ELANE: variants seen among roughly 807,000 people sequenced by gnomAD.
ELANE encodes the protein elastase, neutrophil expressed.
ELANE carries 12 observed loss-of-function variants against 20.6 expected under a neutral mutation model. That is an observed-to-expected ratio of 0.58 (90% confidence interval 0.37 to 0.94). The LOEUF (loss-of-function observed/expected upper bound fraction) is 0.94, where lower values mean the gene tolerates loss of function less well. ELANE is among the 40% of genes least tolerant of loss of function. The probability of loss-of-function intolerance (pLI) is 0.01; values close to 1 mark genes in which losing one functional copy is unlikely to be tolerated. For missense variants in ELANE, 388 were observed against 395.2 expected, an observed-to-expected ratio of 0.98 and a Z score of 0.15; for synonymous variants, 203 against 177.4, an observed-to-expected ratio of 1.14 and a Z score of -1.15.
In ELANE at chr19:856,135, G is replaced by C. The variant is rs1408272130; in HGVS notation, c.775G>C (p.Asp259His). The C allele has an allele frequency of 6.2e-7, 1 of 1,612,894 alleles. No homozygotes were observed. The highest frequency in any genetic ancestry group is 1.7e-5 in the Admixed American group (1 of 60,020). The change falls in exon 5 of 5, where the codon GAC becomes CAC. Residue 259 changes from aspartate (D) to histidine (H), a missense_variant. Coordinates refer to ENST00000263621, the MANE Select transcript of ELANE (RefSeq NM_001972.4). ...GGACAACCCCTGTCCCCACCCCCGGGACCCGGACCCGGCCAGCAGGACCCA... is the reference window on the plus strand; with the variant it reads ...GGACAACCCCTGTCCCCACCCCCGGCACCCGGACCCGGCCAGCAGGACCCA... ...SEDNPCPHPR[D>H]PDPASRTH
intron 2 of ELANE, 73 bp downstream of exon 2, chr19:853,105 G>A (rs1337881627): frequency 4.7e-6 from 7 of 1,505,114 alleles, no homozygotes; most frequent in South Asian, 2.5e-5. Flanking sequence ...GGGGGAGGCC[G>A]GGGCCGGGGC....
rs765630172 is a variant in ELANE, at chr19:855,927, T to C, written c.598-31T>C. 1 of 1,612,264 alleles carries C rather than the reference T, an allele frequency of 6.2e-7. No individual in the cohort carries two copies. The highest frequency in any genetic ancestry group is 1.1e-5 in the South Asian group (1 of 91,074). On this transcript the variant is annotated intron_variant, in intron 4 of 4. Coordinates refer to ENST00000263621, the MANE Select transcript of ELANE (RefSeq NM_001972.4). The surrounding 1 kb of genome is among the most constrained non-coding windows in gnomAD (Gnocchi z 6.2). ...CGGGCAGGTGGGCAGGGCCTCGCAG[T>C]CCAGCTTCCCCACCTTGTCTGCCTC... is the stretch of plus-strand genomic sequence containing the variant.
At position 853,337 on chromosome 19, in the gene ELANE, C is replaced by T. The variant is rs200002231; in HGVS notation, c.300C>T (p.Ala100=). ...SRREPTRQVF[A]VQRIFENGYD... ...GGGAGCCCACCCGGCAGGTGTTCGC[C>T]GTGCAGCGCATCTTCGAAAACGGCT... The change falls in exon 3 of 5, where the codon GCC becomes GCT. Residue 100 remains alanine, a synonymous_variant. Transcript: ENST00000263621. The T allele has an allele frequency of 3.1e-6, 5 of 1,611,206 alleles. No individual in the cohort carries two copies. The highest frequency in any genetic ancestry group is 4.2e-6 in the Non-Finnish European group (5 of 1,179,110).
chr19:853,064 G>C, intron 2 of ELANE, 32 bp downstream of exon 2: 2 of 1,533,274 alleles, frequency 1.3e-6, no homozygotes, highest in South Asian at 2.4e-5. Flanking sequence ...CGCCCGGCTC[G>C]GACCCCGCGT....
At chr19:852,534 T>G in intron 1 of ELANE, 139 bp downstream of exon 1, 1 of 1,019,100 alleles carries the variant, frequency 9.8e-7, no homozygotes, top group South Asian at 1.4e-5. Context: ...CAGAAGAGAC[T>G]GAGGTTCTGA....
At position 855,557 on chromosome 19, in the gene ELANE, G is replaced by A. The variant is rs201878637; in HGVS notation, c.367-7G>A. On this transcript the variant is annotated splice_polypyrimidine_tract_variant and splice_region_variant and intron_variant, in intron 3 of 4. Coordinates refer to ENST00000263621, the MANE Select transcript of ELANE (RefSeq NM_001972.4). This position sits in a 1 kb window ranked among gnomAD's most constrained non-coding sequence, Gnocchi z 6.2. ...GACGCGCTGACGATCTGTCCCCACC[G>A]CCACAGCTCAACGGGTCGGCCACCA... is the stretch of plus-strand genomic sequence containing the variant. 26 of 1,598,446 alleles carry A rather than the reference G, an allele frequency of 1.6e-5. No homozygotes were observed. In the East Asian group the frequency reaches 2.7e-4, roughly 16 times the overall value.
Position 855,834 on chromosome 19 carries a change from C to T in ELANE, c.597+40C>T. 1 of 1,606,002 alleles carries T rather than the reference C, an allele frequency of 6.2e-7. No individual in the cohort carries two copies. The highest frequency in any genetic ancestry group is 1.1e-5 in the South Asian group (1 of 90,922). Reference sequence around the variant, plus strand: ...TGTCCCTCTGCTCCCCACCCGCTCCCAGCCCGGACTGCAGCAACAGGCACC... The same window carrying T: ...TGTCCCTCTGCTCCCCACCCGCTCCTAGCCCGGACTGCAGCAACAGGCACC... On this transcript the variant is annotated intron_variant, in intron 4 of 4. Transcript: ENST00000263621. This position sits in a 1 kb window ranked among gnomAD's most constrained non-coding sequence, Gnocchi z 6.2.
Position 855,626 on chromosome 19 carries a change from C to T in ELANE, c.429C>T (p.Arg143=), listed in dbSNP as rs1403680394. 1 of 1,604,194 alleles carries T rather than the reference C, an allele frequency of 6.2e-7. No individual in the cohort carries two copies. The highest frequency in any genetic ancestry group is 8.5e-7 in the Non-Finnish European group (1 of 1,179,824). ...VQVAQLPAQG[R]RLGNGVQCLA... is the part of the protein sequence containing the mutation. Reference sequence around the variant, plus strand: ...TGGCCCAGCTGCCGGCTCAGGGACGCCGCCTGGGCAACGGGGTGCAGTGCC... The same window carrying T: ...TGGCCCAGCTGCCGGCTCAGGGACGTCGCCTGGGCAACGGGGTGCAGTGCC... The change falls in exon 4 of 5, where the codon CGC becomes CGT. Residue 143 remains arginine (R), a synonymous_variant. Coordinates refer to ENST00000263621, the MANE Select transcript of ELANE (RefSeq NM_001972.4). This position sits in a 1 kb window ranked among gnomAD's most constrained non-coding sequence, Gnocchi z 6.2.
chr19:855,914 C>T lies in ELANE; in HGVS notation c.598-44C>T. 6.2e-7 allele frequency: 1 copy of T among 1,610,618 alleles called. No homozygotes were observed. Among genetic ancestry groups the T allele is most frequent in the South Asian group, 1.1e-5 (1 of 91,050 alleles). ...CCCTGACAGGCGGCGGGCAGGTGGG[C>T]AGGGCCTCGCAGTCCAGCTTCCCCA... On this transcript the variant is annotated intron_variant, in intron 4 of 4. Transcript: ENST00000263621. This position sits in a 1 kb window ranked among gnomAD's most constrained non-coding sequence, Gnocchi z 6.2.
chr19:855,772 G>C lies in ELANE; in HGVS notation c.575G>C (p.Gly192Ala). Residue 192 changes from glycine (G) to alanine (A), a missense_variant, in exon 4 of 5, where the codon GGC (glycine) becomes GCC (alanine). This residue lies in a region of ELANE where 321 missense variants were observed against 309.8 expected (regional missense o/e 1.04). Coordinates refer to ENST00000263621, the MANE Select transcript of ELANE (RefSeq NM_001972.4). This position sits in a 1 kb window ranked among gnomAD's most constrained non-coding sequence, Gnocchi z 6.2. ...RRSNVCTLVR[G>A]RQAGVCFGDS... ...AGCAACGTCTGCACTCTCGTGAGGG[G>C]CCGGCAGGCCGGCGTCTGTTTCGTA... The C allele has an allele frequency of 6.2e-7, 1 of 1,608,652 alleles. No individual in the cohort carries two copies. The highest frequency in any genetic ancestry group is 8.5e-7 in the Non-Finnish European group (1 of 1,179,950).
In ELANE at chr19:853,337, C is replaced by G; in HGVS notation, c.300C>G (p.Ala100=). The G allele has an allele frequency of 6.2e-7, 1 of 1,611,206 alleles. No individual in the cohort carries two copies. Among genetic ancestry groups the G allele is most frequent in the Non-Finnish European group, 8.5e-7 (1 of 1,179,110 alleles). The change falls in exon 3 of 5, where the codon GCC becomes GCG. Residue 100 remains alanine (A), a synonymous_variant. Coordinates refer to ENST00000263621, the MANE Select transcript of ELANE (RefSeq NM_001972.4). ...GGGAGCCCACCCGGCAGGTGTTCGC[C>G]GTGCAGCGCATCTTCGAAAACGGCT... ...SRREPTRQVF[A]VQRIFENGYD...
rs2035620720 is a variant in ELANE, at chr19:853,130, G to A, written c.224+98G>A. ...GGGGCCGGGGCTGCTGGCGGGGGGG[G>A]GTCCGTCCAGGGCCCGCGGGGCCCC... On this transcript the variant is annotated intron_variant, in intron 2 of 4. Transcript: ENST00000263621. 6 of 1,482,136 alleles carry A rather than the reference G, an allele frequency of 4.0e-6. No homozygotes were observed. In the Admixed American group the frequency reaches 8.6e-5, roughly 21 times the overall value. 91.8% of individuals were successfully genotyped at this position (1,482,136 alleles called of 1,614,324 possible). A position where few individuals can be genotyped will look rare whatever the true frequency, so the allele number is the denominator to read the frequency against.
intron 3 of ELANE, among the ~76,000 whole-genome samples, chr19:853,621 C>T (rs1376278917): frequency 6.6e-6 from 1 of 152,276 alleles, no homozygotes; most frequent in South Asian, 2.1e-4. Flanking sequence ...GCAGGGAGGC[C>T]CCGATCTGCT....
In ELANE at chr19:853,003, C is replaced by A; in HGVS notation, c.195C>A (p.Val65=). 1 of 1,574,926 alleles carries A rather than the reference C, an allele frequency of 6.3e-7. No individual in the cohort carries two copies. The highest frequency in any genetic ancestry group is 1.8e-5 in the Admixed American group (1 of 56,218). Residue 65 remains valine, a synonymous_variant, in exon 2 of 5, where the codon GTC becomes GTA. Coordinates refer to ENST00000263621, the MANE Select transcript of ELANE (RefSeq NM_001972.4). ...CCACCCTGATTGCGCCCAACTTCGT[C>A]ATGTCGGCCGCGCACTGCGTGGCGA... is the stretch of plus-strand genomic sequence containing the variant. ...CGATLIAPNF[V]MSAAHCVANV...
chr19:853,286 C>A lies in ELANE; in HGVS notation c.249C>A (p.Val83=). 1 of 1,608,276 alleles carries A rather than the reference C, an allele frequency of 6.2e-7. No homozygotes were observed. The highest frequency in any genetic ancestry group is 2.2e-5 in the East Asian group (1 of 44,684). ...GAAACGTCCGCGCGGTGCGGGTGGT[C>A]CTGGGAGCCCATAACCTCTCGCGGC... The part of the protein sequence containing the change: ...ANVNVRAVRV[V]LGAHNLSRRE... Residue 83 remains valine (V), a synonymous_variant, in exon 3 of 5, where the codon GTC becomes GTA. Transcript: ENST00000263621.
At position 855,507 on chromosome 19, in the gene ELANE, G is replaced by A. The variant is rs2145148258; in HGVS notation, c.367-57G>A. 6.4e-7 allele frequency: 1 copy of A among 1,555,738 alleles called. No homozygotes were observed. The highest frequency in any genetic ancestry group is 1.1e-5 in the South Asian group (1 of 88,588). ...TGGGGAAACTGAGGCCCGGAGAGGG[G>A]AGGGTCATCATCACTGCCCCGTGTG... On this transcript the variant is annotated intron_variant, in intron 3 of 4. Coordinates refer to ENST00000263621, the MANE Select transcript of ELANE (RefSeq NM_001972.4). The surrounding 1 kb of genome is among the most constrained non-coding windows in gnomAD (Gnocchi z 6.2).
chr19:852,664 G>A (rs1485402523), intron 1 of ELANE, among the ~76,000 whole-genome samples: 1 of 152,018 alleles, frequency 6.6e-6, no homozygotes, highest in Non-Finnish European at 1.5e-5. Context: ...GGGGCACCGT[G>A]GGGAGGTCCC....
chr19:854,799 A>T (rs1356494858), intron 3 of ELANE, among the ~76,000 whole-genome samples: 1 of 146,684 alleles, frequency 6.8e-6, no homozygotes, highest in Non-Finnish European at 1.5e-5. Flanking sequence ...ATAAAATAAT[A>T]AATATAAAAT....
Position 855,456 on chromosome 19 carries a change from T to C in ELANE, c.367-108T>C. ...GGGGTGGGTATCCTGCCCTGCAGGATCCCAGAACCACAGTGGAACCTGAGA... is the reference window on the plus strand; with the variant it reads ...GGGGTGGGTATCCTGCCCTGCAGGACCCCAGAACCACAGTGGAACCTGAGA... On this transcript the variant is annotated intron_variant, in intron 3 of 4. Coordinates refer to ENST00000263621, the MANE Select transcript of ELANE (RefSeq NM_001972.4). The surrounding 1 kb of genome is among the most constrained non-coding windows in gnomAD (Gnocchi z 6.2). 3 of 1,269,732 alleles carry C rather than the reference T, an allele frequency of 2.4e-6. No homozygotes were observed. Among genetic ancestry groups the C allele is most frequent in the Non-Finnish European group, 3.3e-6 (3 of 903,962 alleles). 78.7% of individuals were successfully genotyped at this position (1,269,732 alleles called of 1,614,324 possible). A position where few individuals can be genotyped will look rare whatever the true frequency, so the allele number is the denominator to read the frequency against.
Sources: gnomAD v4.1 joint callset for allele counts (sites outside exome capture counted in the v4.1 genomes callset) on GRCh38, gnomAD v4.1.1 for gene constraint, gnomAD v4.1.1 regional missense constraint, Gnocchi (gnomAD v3.1) non-coding constraint, MANE v1.5 for transcripts, NCBI Gene and HGNC (gene_info 2026-07-23, HGNC 2026-07-21) for gene names.